The following SEMA4A variants were observed in gnomAD, a reference collection of about 807,000 sequenced individuals.
SEMA4A encodes semaphorin 4A.
In SEMA4A, 52 loss-of-function variants were observed where a neutral mutation model predicts 72.5. That is an observed-to-expected ratio of 0.72 (90% confidence interval 0.57 to 0.90). The LOEUF (loss-of-function observed/expected upper bound fraction) is 0.90. Among genes scored for constraint, SEMA4A ranks in the 40% least tolerant of loss-of-function variants. SEMA4A has a pLI of 0.00. For synonymous variants in SEMA4A, 369 were observed against 393.1 expected (o/e 0.94, Z 0.73); for missense variants, 926 against 959.7 (o/e 0.96, Z 0.46).
intron 10 of SEMA4A, among the ~76,000 whole-genome samples, 156 bp from the exon 11 acceptor site, chr1:156,172,670 G>A (rs577366759): frequency 2.0e-5 from 3 of 152,304 alleles, no homozygotes; most frequent in Non-Finnish European, 2.9e-5. Context: ...AGGCTGGGAC[G>A]CACAATCAGG....
intron 13 of SEMA4A, 64 bp downstream of exon 13, chr1:156,175,307 C>T: frequency 6.5e-7 from 1 of 1,532,730 alleles, no homozygotes; most frequent in Non-Finnish European, 8.9e-7. Context: ...CCAGCTTCTG[C>T]TACTGTTCTT....
intron 10 of SEMA4A, among the ~76,000 whole-genome samples, chr1:156,170,402 G>A (rs1164662077): frequency 4.1e-5 from 6 of 145,622 alleles, no homozygotes; most frequent in Non-Finnish European, 7.5e-5. Flanking sequence ...GGCGGAGGTT[G>A]CGGTGAGCCA....
chr1:156,164,486 C>T (rs1201619704), intron 10 of SEMA4A, among the ~76,000 whole-genome samples: 1 of 152,172 alleles, frequency 6.6e-6, no homozygotes, highest in Non-Finnish European at 1.5e-5. Context: ...TGATACTACA[C>T]TGGTAGCTTG....
chr1:156,167,419 G>A (rs1654269333), intron 10 of SEMA4A, among the ~76,000 whole-genome samples: 1 of 149,064 alleles, frequency 6.7e-6, no homozygotes, highest in African/African-American at 2.5e-5. Context: ...GAGCCCGGGA[G>A]GTCGAGGCTG....
At chr1:156,168,892 G>C (rs1015918777) in intron 10 of SEMA4A, among the ~76,000 whole-genome samples, 1 of 152,172 alleles carries the variant, frequency 6.6e-6, no homozygotes. Flanking sequence ...TGGTGTCTGG[G>C]AGCCACAGGG....
In SEMA4A at chr1:156,164,840, G is replaced by A. The variant is rs181130442; in HGVS notation, c.1134+1746G>A. On this transcript the variant is annotated intron_variant, in intron 10 of 14. Coordinates refer to ENST00000368285, the MANE Select transcript of SEMA4A (RefSeq NM_022367.4). ...TTTTGAAACAGAGTCTCACTCTGTCGCCCAAGCTGGAGTGCAATGGCGTGA... is the reference window on the plus strand; with the variant it reads ...TTTTGAAACAGAGTCTCACTCTGTCACCCAAGCTGGAGTGCAATGGCGTGA... Among the ~76,000 whole-genome samples the A allele has an allele frequency of 1.5e-3, 232 of 151,464 alleles. 2 individuals carry two copies. Among genetic ancestry groups the A allele is most frequent in the Middle Eastern group, 6.8e-3 (2 of 294 alleles).
At chr1:156,156,197 T>C in intron 2 of SEMA4A, 1 of 583,074 alleles carries the variant, frequency 1.7e-6, no homozygotes, top group Non-Finnish European at 3.2e-6. Context: ...TTACCCTGCC[T>C]CTGGCTGCCT....
In SEMA4A at chr1:156,157,840, G is replaced by C. The variant is rs1653186237; in HGVS notation, c.301-230G>C. Among the ~76,000 whole-genome samples the C allele has an allele frequency of 6.6e-6, 1 of 152,156 alleles. No homozygotes were observed. Among genetic ancestry groups the C allele is most frequent in the South Asian group, 2.1e-4 (1 of 4,824 alleles). On this transcript the variant is annotated intron_variant, in intron 3 of 14. Transcript: ENST00000368285. This position sits in a 1 kb window ranked among gnomAD's most constrained non-coding sequence, Gnocchi z 4.5. Reference sequence around the variant, plus strand: ...AATAGCCAAGTCTAGATTTAAACTTGGGTCTGTCTGATTCCTTAGGCTGTG... The same window carrying C: ...AATAGCCAAGTCTAGATTTAAACTTCGGTCTGTCTGATTCCTTAGGCTGTG...
Position 156,177,224 on chromosome 1 carries a change from G to T in SEMA4A, c.*227G>T. The T allele has an allele frequency of 1.6e-6, 1 of 610,738 alleles. No homozygotes were observed. Among genetic ancestry groups the T allele is most frequent in the South Asian group, 1.9e-5 (1 of 53,642 alleles). The allele number at this position is 610,738 out of a possible 1,614,324, so 37.8% of individuals were successfully genotyped here. A position where few individuals can be genotyped will look rare whatever the true frequency, so the allele number is the denominator to read the frequency against. The stretch of plus-strand genomic sequence containing the variant: ...AAGCACATGAGCTCTCTAACAGGGT[G>T]GGGGCTACCCCCAGACCTGCTCCTA... On this transcript the variant is annotated 3_prime_UTR_variant, in exon 15 of 15. Coordinates refer to ENST00000368285, the MANE Select transcript of SEMA4A (RefSeq NM_022367.4).
At chr1:156,148,085 A>G (rs563291121), upstream of SEMA4A, among the ~76,000 whole-genome samples, 1 of 152,330 alleles carries the variant, frequency 6.6e-6, no homozygotes, top group East Asian at 1.9e-4. Flanking sequence ...AGGCTCCCCC[A>G]TTCCCTTGGG....
In SEMA4A at chr1:156,177,011, G is replaced by A; in HGVS notation, c.*14G>A. 2 of 1,602,974 alleles carry A rather than the reference G, an allele frequency of 1.2e-6. No individual in the cohort carries two copies. The highest frequency in any genetic ancestry group is 1.7e-6 in the Non-Finnish European group (2 of 1,179,204). The stretch of plus-strand genomic sequence containing the variant: ...GAGGTAGCTTAAACTCTAGGCACAG[G>A]CCGGGGCTGCGGTGCAGGCACCTGG... On this transcript the variant is annotated 3_prime_UTR_variant, in exon 15 of 15. Coordinates refer to ENST00000368285, the MANE Select transcript of SEMA4A (RefSeq NM_022367.4).
In SEMA4A at chr1:156,176,908, GAGCAAC is replaced by G; in HGVS notation, c.2199_2204del (p.Glu733_His735delinsAsp). 6.2e-7 allele frequency: 1 copy of G among 1,614,234 alleles called. No individual in the cohort carries two copies. The highest frequency in any genetic ancestry group is 8.5e-7 in the Non-Finnish European group (1 of 1,180,038). ...TGGGGAGAAGGCCCCGTTAAGCAGA[GAGCAAC>G]ACCTCCAGTCTCCCAAGGAATGCAG... On this transcript the variant is annotated inframe_deletion, in exon 15 of 15. Coordinates refer to ENST00000368285, the MANE Select transcript of SEMA4A (RefSeq NM_022367.4).
chr1:156,162,806 G>C (rs2102966121), intron 9 of SEMA4A, 138 bp from the exon 10 acceptor site: 2 of 1,035,032 alleles, frequency 1.9e-6, no homozygotes, highest in Non-Finnish European at 3.0e-6. Flanking sequence ...ACACAGTGAG[G>C]GGAAGGAGTG....
intron 2 of SEMA4A, 141 bp downstream of exon 2, chr1:156,154,858 G>A: frequency 9.5e-7 from 1 of 1,051,986 alleles, no homozygotes; most frequent in Non-Finnish European, 1.4e-6. Flanking sequence ...AGAAACAGAG[G>A]ATCTCGGAGA....
intron 9 of SEMA4A, 106 bp downstream of exon 9, chr1:156,161,624 G>C: frequency 8.2e-7 from 1 of 1,220,632 alleles, no homozygotes; most frequent in South Asian, 1.3e-5. Flanking sequence ...CACCTACTCA[G>C]CACTTTCACA....
At chr1:156,158,592 A>G in intron 5 of SEMA4A, 106 bp downstream of exon 5, 3 of 1,266,820 alleles carry the variant, frequency 2.4e-6, no homozygotes, top group Non-Finnish European at 3.5e-6. Context: ...CAGATGCAGG[A>G]CCCTCATGAA....
intron 10 of SEMA4A, among the ~76,000 whole-genome samples, chr1:156,164,514 A>G (rs905243024): frequency 1.3e-5 from 2 of 152,192 alleles, no homozygotes; most frequent in South Asian, 4.1e-4. Flanking sequence ...CCATGGTGGA[A>G]GTATACATCA....
Position 156,173,011 on chromosome 1 carries a change from G to A in SEMA4A, c.1315+5G>A, listed in dbSNP as rs1241726721. 7 of 1,613,606 alleles carry A rather than the reference G, an allele frequency of 4.3e-6. No homozygotes were observed. The highest frequency in any genetic ancestry group is 1.3e-5 in the African/African-American group (1 of 74,934). On this transcript the variant is annotated splice_donor_5th_base_variant and intron_variant, in intron 11 of 14. Coordinates refer to ENST00000368285, the MANE Select transcript of SEMA4A (RefSeq NM_022367.4). Reference sequence around the variant, plus strand: ...TTGTCATGTACCTGGGAACCAGTGAGTAAAGAGTTCCGGGACATCCCCCAG... The same window carrying A: ...TTGTCATGTACCTGGGAACCAGTGAATAAAGAGTTCCGGGACATCCCCCAG...
At position 156,175,081 on chromosome 1, in the gene SEMA4A, T is replaced by A. The variant is rs2103009350; in HGVS notation, c.1435-5T>A. Reference sequence around the variant, plus strand: ...GCTCCCTGACAATCTCCATCTCTCTTCCAGGGTGCAGTGTTTGTAGGCTTC... The same window carrying A: ...GCTCCCTGACAATCTCCATCTCTCTACCAGGGTGCAGTGTTTGTAGGCTTC... On this transcript the variant is annotated splice_polypyrimidine_tract_variant and splice_region_variant and intron_variant, in intron 12 of 14. Coordinates refer to ENST00000368285, the MANE Select transcript of SEMA4A (RefSeq NM_022367.4). 6.2e-7 allele frequency: 1 copy of A among 1,614,136 alleles called. No homozygotes were observed. The highest frequency in any genetic ancestry group is 1.3e-5 in the African/African-American group (1 of 75,032).
Sources: allele counts gnomAD v4.1 joint callset (sites outside exome capture counted in the v4.1 genomes callset), GRCh38; gene constraint gnomAD v4.1.1; non-coding constraint Gnocchi (gnomAD v3.1); transcripts MANE v1.5; gene names NCBI Gene and HGNC (gene_info 2026-07-23, HGNC 2026-07-21).